Variants in PDSS1 observed in about 807,000 individuals in gnomAD.
The protein encoded by PDSS1 is all trans-polyprenyl-diphosphate synthase PDSS1.
PDSS1 carries 43 observed loss-of-function variants against 57.5 expected under a neutral mutation model. The observed-to-expected ratio is 0.75, with a 90% CI of 0.59 to 0.96. PDSS1 has a LOEUF of 0.96. PDSS1 is among the 50% of genes least tolerant of loss of function. The pLI is 0.00. For missense variants in PDSS1, 438 were observed against 527.8 expected, an observed-to-expected ratio of 0.83 and a Z score of 1.67; for synonymous variants, 175 against 191.3, an observed-to-expected ratio of 0.91 and a Z score of 0.70.
At chr10:26,727,435 C>G (rs1401771996) in intron 8 of PDSS1, among the ~76,000 whole-genome samples, 1 of 151,056 alleles carries the variant, frequency 6.6e-6, no homozygotes, top group Non-Finnish European at 1.5e-5. Flanking sequence ...TTCAAAGCCT[C>G]AGAGTACCAC....
rs188758447 is a variant in PDSS1 at position 26,729,863 on chromosome 10, A to T, written c.832-5377A>T. ...ACCAAGGTCTGATTTTTCACAAAAC[A>T]AATTTGCAACCTCCAGCATAAATGG... is the stretch of plus-strand genomic sequence containing the variant. On this transcript the variant is annotated intron_variant, in intron 8 of 11. Coordinates refer to ENST00000376215, the MANE Select transcript of PDSS1 (RefSeq NM_014317.5). 3.3e-5 allele frequency among the ~76,000 whole-genome samples: 5 copies of T among 151,580 alleles called. No homozygotes were observed. In the East Asian group the frequency reaches 9.7e-4, roughly 29 times the overall value.
chr10:26,743,775 TAGC>T (rs1836709160), intron 11 of PDSS1, among the ~76,000 whole-genome samples: 1 of 152,208 alleles, frequency 6.6e-6, no homozygotes, highest in African/African-American at 2.4e-5. Flanking sequence ...TCCAAAATTC[TAGC>T]TCCCTGTTCA....
intron 2 of PDSS1, 56 bp downstream of exon 2, chr10:26,702,250 G>GAGTCTCGCTCTGTCGCCCA (rs1564415075): frequency 4.8e-6 from 2 of 415,472 alleles, no homozygotes; most frequent in Admixed American, 2.6e-5. Flanking sequence ...AAGACTTTTG[G>GAGTCTCGCTCTGTCGCCCA]GGACTGTTCG....
At chr10:26,724,905 A>G (rs1462495138) in intron 8 of PDSS1, among the ~76,000 whole-genome samples, 1 of 152,140 alleles carries the variant, frequency 6.6e-6, no homozygotes, top group Admixed American at 6.5e-5. Flanking sequence ...CAATCCTTCT[A>G]ATATTTTTAC....
intron 8 of PDSS1, among the ~76,000 whole-genome samples, chr10:26,729,569 C>A (rs1230801047): frequency 6.6e-6 from 1 of 152,130 alleles, no homozygotes; most frequent in Non-Finnish European, 1.5e-5. Context: ...TTTATTTGCA[C>A]AATCTGAGAA....
In PDSS1 at chr10:26,735,249, C is replaced by T; in HGVS notation, c.841C>T (p.Leu281=). 6.2e-7 allele frequency: 1 copy of T among 1,612,470 alleles called. No individual in the cohort carries two copies. Among genetic ancestry groups the T allele is most frequent in the Non-Finnish European group, 8.5e-7 (1 of 1,178,470 alleles). The change falls in exon 9 of 12, where the codon CTA becomes TTA. Residue 281 remains leucine (L), a synonymous_variant. Coordinates refer to ENST00000376215, the MANE Select transcript of PDSS1 (RefSeq NM_014317.5). The part of the protein sequence containing the change: ...IANSCKAVSV[L]GCPDPVVHEI... ...GCTCTTTCTGTTTCAGGTCTCTGTT[C>T]TAGGATGTCCCGACCCAGTGGTGCA...
intron 8 of PDSS1, among the ~76,000 whole-genome samples, chr10:26,733,499 T>C (rs1458057166): frequency 6.6e-6 from 1 of 152,144 alleles, no homozygotes; most frequent in Non-Finnish European, 1.5e-5. Context: ...TTATGGTGCA[T>C]GCAATTTTAC....
chr10:26,709,553 C>T, intron 4 of PDSS1, 85 bp from the exon 5 acceptor site: 1 of 1,398,890 alleles, frequency 7.1e-7, no homozygotes, highest in South Asian at 1.2e-5. Context: ...AAGAGCGAAA[C>T]TCCGTCTCAA....
intron 8 of PDSS1, among the ~76,000 whole-genome samples, chr10:26,726,227 CG>C (rs1474822358): frequency 6.6e-6 from 1 of 152,284 alleles, no homozygotes; most frequent in African/African-American, 2.4e-5. Flanking sequence ...AGCAGCTGAA[CG>C]AACAGTGAAC....
chr10:26,740,157 A>T (rs540143913), intron 10 of PDSS1, among the ~76,000 whole-genome samples: 1 of 151,888 alleles, frequency 6.6e-6, no homozygotes, highest in Non-Finnish European at 1.5e-5. Flanking sequence ...AAAAAAAAAA[A>T]AATTAAAAAA....
At chr10:26,730,033 C>T (rs1168851784) in intron 8 of PDSS1, among the ~76,000 whole-genome samples, 2 of 151,430 alleles carry the variant, frequency 1.3e-5, no homozygotes, top group Non-Finnish European at 2.9e-5. Context: ...CTGCCTCAGC[C>T]TCCCGAGTAG....
At chr10:26,699,557 G>A (rs1228576850) in intron 1 of PDSS1, among the ~76,000 whole-genome samples, 2 of 151,948 alleles carry the variant, frequency 1.3e-5, no homozygotes, top group Non-Finnish European at 2.9e-5. Context: ...ACGACCCCCA[G>A]CTAATTTTTG....
At position 26,702,143 on chromosome 10, in the gene PDSS1, C is replaced by T. The variant is rs1229229500; in HGVS notation, c.130-19C>T. The T allele has an allele frequency of 4.4e-6, 2 of 456,376 alleles. No homozygotes were observed. The highest frequency in any genetic ancestry group is 3.1e-5 in the South Asian group (2 of 64,084). The allele number at this position is 456,376 out of a possible 1,614,324, so 28.3% of individuals were successfully genotyped here. On this transcript the variant is annotated intron_variant, in intron 1 of 11. Transcript: ENST00000376215. ...CCATTGTATCTTGGATGTAACGTAA[C>T]TTGTTTTTGATTTTACAGGTTCATA...
In PDSS1 at chr10:26,704,675, A is replaced by G; in HGVS notation, c.163-2A>G. The G allele has an allele frequency of 4.1e-6, 5 of 1,220,074 alleles. No individual in the cohort carries two copies. The highest frequency in any genetic ancestry group is 6.1e-6 in the Non-Finnish European group (5 of 821,832). 75.6% of individuals were successfully genotyped at this position (1,220,074 alleles called of 1,614,324 possible). ...AAGTTTCTTGACATTTTTATTTTAT[A>G]GATACCCTATATTAATCTTGTGAAG... is the stretch of plus-strand genomic sequence containing the variant. On this transcript the variant is annotated splice_acceptor_variant, in intron 2 of 11. Coordinates refer to ENST00000376215, the MANE Select transcript of PDSS1 (RefSeq NM_014317.5). LOFTEE classifies it high-confidence loss of function.
Position 26,723,899 on chromosome 10 carries a change from A to G in PDSS1, c.703A>G (p.Ile235Val), listed in dbSNP as rs747629664. The G allele has an allele frequency of 1.2e-6, 2 of 1,610,800 alleles. No individual in the cohort carries two copies. The highest frequency in any genetic ancestry group is 1.7e-6 in the Non-Finnish European group (2 of 1,176,938). Residue 235 changes from isoleucine to valine, a missense_variant, in exon 7 of 12, where the codon ATT (isoleucine) becomes GTT (valine). Physicochemically the swap from Ile to Val is conservative, Grantham distance 29 (BLOSUM62 3). This residue lies in a region of PDSS1 where 284 missense variants were observed against 390.7 expected (regional missense o/e 0.73). Transcript: ENST00000376215. ...TTVISILTQV[I>V]EDLVRGEFLQ... ...TGTTATATCTATTTTAACCCAAGTT[A>G]TTGAAGATTTGGTGCGTGGTACGTT...
rs1250651018 is a variant in PDSS1, at chr10:26,746,460, CAA to C, written c.1236_1237del (p.Asp414Ter). 6 of 1,614,122 alleles carry C rather than the reference CAA, an allele frequency of 3.7e-6. No individual in the cohort carries two copies. The highest frequency in any genetic ancestry group is 1.7e-5 in the Admixed American group (1 of 60,032). On this transcript the variant is annotated frameshift_variant, in exon 12 of 12. Transcript: ENST00000376215. LOFTEE classifies it high-confidence loss of function. ...ATTCAGCTTTCAGAAATTGTACTCA[CAA>C]GAGATAAATGACAACTCTTTCTGTT...
intron 1 of PDSS1, among the ~76,000 whole-genome samples, chr10:26,700,473 C>T (rs1395788506): frequency 5.9e-5 from 9 of 152,002 alleles, no homozygotes; most frequent in African/African-American, 1.7e-4. Context: ...ACATCTATCT[C>T]GAATTGTAAT....
chr10:26,741,776 G>C (rs542030112), intron 10 of PDSS1, among the ~76,000 whole-genome samples: 6 of 152,310 alleles, frequency 3.9e-5, no homozygotes, highest in African/African-American at 1.4e-4. Flanking sequence ...TGTTAGAAAT[G>C]CATGCCAAGG....
At chr10:26,741,498 A>G (rs1465656781) in intron 10 of PDSS1, among the ~76,000 whole-genome samples, 1 of 150,178 alleles carries the variant, frequency 6.7e-6, no homozygotes, top group Non-Finnish European at 1.5e-5. Flanking sequence ...GAGGGGGGGA[A>G]AAACAACAAA....
Sources: gnomAD v4.1 joint callset for allele counts (sites outside exome capture counted in the v4.1 genomes callset) on GRCh38, gnomAD v4.1.1 for gene constraint, gnomAD v4.1.1 regional missense constraint, MANE v1.5 for transcripts, NCBI Gene and HGNC (gene_info 2026-07-23, HGNC 2026-07-21) for gene names.